Variants in MAD1L1 observed in about 807,000 individuals in gnomAD.
MAD1L1 encodes mitotic spindle assembly checkpoint protein MAD1.
Under a neutral mutation model 96.9 loss-of-function variants are expected in MAD1L1, and 95 were observed. That is an observed-to-expected ratio of 0.98 (90% confidence interval 0.83 to 1.16). The LOEUF (loss-of-function observed/expected upper bound fraction) is 1.16. Ranked by LOEUF, MAD1L1 falls within the 50% of genes most tolerant of loss-of-function variation. MAD1L1 has a pLI of 0.00. For synonymous variants in MAD1L1, 473 were observed against 396.6 expected (o/e 1.19, Z -2.29); for missense variants, 1,007 against 954.4 (o/e 1.06, Z -0.73).
chr7:2,128,033 C>T (rs1056693490), intron 11 of MAD1L1, among the ~76,000 whole-genome samples: 2 of 152,144 alleles, frequency 1.3e-5, no homozygotes, highest in Admixed American at 6.5e-5. Flanking sequence ...GAGAGACATT[C>T]GATAAATAAA....
intron 18 of MAD1L1, among the ~76,000 whole-genome samples, chr7:1,850,560 T>G (rs1351699169): frequency 6.6e-6 from 1 of 152,208 alleles, no homozygotes; most frequent in African/African-American, 2.4e-5. Flanking sequence ...GAGCCTGTGC[T>G]TGACTCCGGG....
Position 1,915,552 on chromosome 7 carries a change from C to A in MAD1L1, c.1808-17162G>T, listed in dbSNP as rs575061989. 7.9e-5 allele frequency among the ~76,000 whole-genome samples: 12 copies of A among 152,358 alleles called. No individual in the cohort carries two copies. The South Asian group carries it at 1.2e-3, about 16-fold the overall frequency. ...TCCACGGCGGGCTGGAGGACGCACG[C>A]TGCCTGCCTCCAAGTCTCACAGTCA... is the stretch of plus-strand genomic sequence containing the variant. On this transcript the variant is annotated intron_variant, in intron 17 of 18. Coordinates refer to ENST00000265854, the MANE Select transcript of MAD1L1 (RefSeq NM_001013836.2).
intron 18 of MAD1L1, among the ~76,000 whole-genome samples, chr7:1,863,505 A>T (rs1784629891): frequency 6.6e-6 from 1 of 152,200 alleles, no homozygotes; most frequent in Admixed American, 6.5e-5. Flanking sequence ...CCCGCACAGC[A>T]CGGCCTGGCT....
intron 11 of MAD1L1, among the ~76,000 whole-genome samples, chr7:2,116,167 C>G (rs1210666105): frequency 6.6e-6 from 1 of 152,244 alleles, no homozygotes; most frequent in Admixed American, 6.5e-5. Flanking sequence ...CTCCCAGTGG[C>G]CCCAGCTCCA....
intron 12 of MAD1L1, among the ~76,000 whole-genome samples, chr7:2,014,939 T>A (rs936450888): frequency 6.6e-6 from 1 of 152,204 alleles, no homozygotes; most frequent in African/African-American, 2.4e-5. Context: ...AGTATGGCTA[T>A]GGGGTCGGCT....
At chr7:1,905,925 C>T (rs1787597898) in intron 17 of MAD1L1, among the ~76,000 whole-genome samples, 1 of 152,002 alleles carries the variant, frequency 6.6e-6, no homozygotes, top group Admixed American at 6.6e-5. Flanking sequence ...TGGCGCACAT[C>T]TGTAATCCCA....
chr7:2,076,969 CCG>C (rs1178530045), intron 11 of MAD1L1, among the ~76,000 whole-genome samples: 2,861 of 151,356 alleles, frequency 0.019, 104 homozygotes, highest in African/African-American at 0.066. Flanking sequence ...CACGGTGAGC[CCG>C]CAGCATGGTG....
At chr7:1,916,261 C>T (rs918641852) in intron 17 of MAD1L1, among the ~76,000 whole-genome samples, 5 of 152,182 alleles carry the variant, frequency 3.3e-5, no homozygotes, top group African/African-American at 7.2e-5. Flanking sequence ...ATTCCCCTCC[C>T]GTCTGGAGGA....
chr7:2,110,418 C>T (rs1787320855), intron 11 of MAD1L1, among the ~76,000 whole-genome samples: 2 of 152,334 alleles, frequency 1.3e-5, no homozygotes, highest in South Asian at 2.1e-4. Flanking sequence ...AATCAGACCC[C>T]GCAGGGCTGT....
chr7:1,834,704 T>A (rs1782861316), intron 18 of MAD1L1, among the ~76,000 whole-genome samples: 1 of 152,194 alleles, frequency 6.6e-6, no homozygotes. Context: ...AAAGAAATAA[T>A]ATCAATTCTA....
At chr7:1,843,308 C>T (rs1260784041) in intron 18 of MAD1L1, among the ~76,000 whole-genome samples, 1 of 152,198 alleles carries the variant, frequency 6.6e-6, no homozygotes, top group Non-Finnish European at 1.5e-5. Context: ...TAACACTCTT[C>T]CCTCCATCTT....
chr7:2,150,516 C>G (rs1263342171), intron 10 of MAD1L1, among the ~76,000 whole-genome samples: 1 of 152,208 alleles, frequency 6.6e-6, no homozygotes, highest in Non-Finnish European at 1.5e-5. Context: ...GCACCCAGCT[C>G]CTCCTCCAAA....
intron 11 of MAD1L1, among the ~76,000 whole-genome samples, chr7:2,129,150 A>T (rs1346701027): frequency 6.6e-6 from 1 of 152,162 alleles, no homozygotes; most frequent in Non-Finnish European, 1.5e-5. Flanking sequence ...GGGCAGGCGC[A>T]TTCCATGAGG....
intron 10 of MAD1L1, among the ~76,000 whole-genome samples, chr7:2,210,278 C>T (rs891275519): frequency 6.6e-6 from 1 of 152,112 alleles, no homozygotes; most frequent in Non-Finnish European, 1.5e-5. Flanking sequence ...ACTGCGTTCC[C>T]CAGGCTGATC....
In MAD1L1 at chr7:1,815,799, G is replaced by A; in HGVS notation, c.*271C>T. ...TACACAGGGCGAGTGGGAGTGTCTAGGGGAGAAGATTTTATTTCACAAGGT... is the reference window on the plus strand; with the variant it reads ...TACACAGGGCGAGTGGGAGTGTCTAAGGGAGAAGATTTTATTTCACAAGGT... On this transcript the variant is annotated 3_prime_UTR_variant, in exon 19 of 19. Coordinates refer to ENST00000265854, the MANE Select transcript of MAD1L1 (RefSeq NM_001013836.2). The A allele has an allele frequency of 2.1e-6, 1 of 477,628 alleles. No individual in the cohort carries two copies. Among genetic ancestry groups the A allele is most frequent in the South Asian group, 2.6e-5 (1 of 38,060 alleles). The allele number at this position is 477,628 out of a possible 1,614,324, so 29.6% of individuals were successfully genotyped here.
chr7:2,183,170 G>C (rs1006722489), intron 10 of MAD1L1, among the ~76,000 whole-genome samples: 1 of 150,716 alleles, frequency 6.6e-6, no homozygotes, highest in African/African-American at 2.5e-5. Context: ...CTATGATCGC[G>C]CCACTGCATC....
chr7:1,932,420 G>A (rs909478545), intron 17 of MAD1L1, among the ~76,000 whole-genome samples: 1 of 152,222 alleles, frequency 6.6e-6, no homozygotes, highest in South Asian at 2.1e-4. Flanking sequence ...CTTCCTGAGA[G>A]ACGGTGCGGG....
intron 16 of MAD1L1, among the ~76,000 whole-genome samples, chr7:1,939,800 G>A (rs560546343): frequency 6.6e-6 from 1 of 152,246 alleles, no homozygotes; most frequent in South Asian, 2.1e-4. Context: ...AGGCTGCTGT[G>A]GGCCACTGCT....
intron 11 of MAD1L1, among the ~76,000 whole-genome samples, chr7:2,075,824 G>C (rs1272508330): frequency 1.3e-5 from 2 of 152,160 alleles, no homozygotes; most frequent in Non-Finnish European, 2.9e-5. Flanking sequence ...GCTCTTCCAC[G>C]CACGACCCAT....
Sources: allele counts gnomAD v4.1 joint callset (sites outside exome capture counted in the v4.1 genomes callset), GRCh38; gene constraint gnomAD v4.1.1; transcripts MANE v1.5; gene names NCBI Gene and HGNC (gene_info 2026-07-23, HGNC 2026-07-21).